AK9: variants seen among roughly 807,000 people sequenced by gnomAD.
AK9 encodes adenylate kinase domain containing 1.
Under a neutral mutation model 239.6 loss-of-function variants are expected in AK9, and 191 were observed. The ratio of observed to expected loss-of-function variants is 0.80; its 90% confidence interval spans 0.71 to 0.90. The LOEUF (loss-of-function observed/expected upper bound fraction) is 0.90. Among genes scored for constraint, AK9 ranks in the 40% least tolerant of loss-of-function variants. The pLI is 0.00. For synonymous variants in AK9, 689 were observed against 721.0 expected, an observed-to-expected ratio of 0.96 and a Z score of 0.71; for missense variants, 1,995 against 2,214.7, an observed-to-expected ratio of 0.90 and a Z score of 1.99.
intron 17 of AK9, among the ~76,000 whole-genome samples, chr6:109,608,971 C>G (rs1403435913): frequency 1.3e-5 from 2 of 152,166 alleles, no homozygotes; most frequent in African/African-American, 4.8e-5. Context: ...TTCTTCTAAT[C>G]ATAAAGATCA....
In AK9 at chr6:109,633,094, A is replaced by G; in HGVS notation, c.1083T>C (p.Gly361=). ...GLPDYSVSFL[G]KIYCLSSEEA... ...CTTCTGATGAAAGACAGTAGATTTTACCTAGAAAACTTAAAATATGCCATA... is the reference window on the plus strand; with the variant it reads ...CTTCTGATGAAAGACAGTAGATTTTGCCTAGAAAACTTAAAATATGCCATA... Residue 361 remains glycine (G), a synonymous_variant, in exon 12 of 41, where the codon GGT becomes GGC. Transcript: ENST00000424296. 6.5e-7 allele frequency: 1 copy of G among 1,545,264 alleles called. No individual in the cohort carries two copies. Among genetic ancestry groups the G allele is most frequent in the Non-Finnish European group, 8.7e-7 (1 of 1,154,088 alleles).
intron 10 of AK9, among the ~76,000 whole-genome samples, chr6:109,640,428 A>G (rs1797259084): frequency 6.6e-6 from 1 of 152,006 alleles, no homozygotes; most frequent in South Asian, 2.1e-4. Flanking sequence ...CTCACCCTCC[A>G]TGGGCTGCAC....
chr6:109,581,594 C>T (rs949292204), intron 19 of AK9, among the ~76,000 whole-genome samples: 2 of 152,052 alleles, frequency 1.3e-5, no homozygotes, highest in Non-Finnish European at 2.9e-5. Context: ...GGCAAGGAAC[C>T]TGGAGAAGAA....
intron 17 of AK9, among the ~76,000 whole-genome samples, chr6:109,602,635 G>T (rs973250870): frequency 6.6e-6 from 1 of 152,124 alleles, no homozygotes; most frequent in African/African-American, 2.4e-5. Context: ...TGCTAGGTTG[G>T]AGAAATTCTC....
At chr6:109,574,519 G>A (rs1041171146) in intron 20 of AK9, among the ~76,000 whole-genome samples, 1 of 152,092 alleles carries the variant, frequency 6.6e-6, no homozygotes, top group African/African-American at 2.4e-5. Flanking sequence ...CAAAGTCAAA[G>A]TATTGCTAAT....
In AK9 at chr6:109,542,070, C is replaced by T; in HGVS notation, c.3327G>A (p.Glu1109=). The change falls in exon 27 of 41, where the codon GAG becomes GAA. Residue 1109 remains glutamate, a synonymous_variant. Transcript: ENST00000424296. ...PPEILEVILS[E]WWLKEPIRST... is the part of the protein sequence containing the mutation. ...ACCGTATTGGTTCCTTAAGCCACCACTCAGAAAGAATTACTTCAAGAATTT... is the reference window on the plus strand; with the variant it reads ...ACCGTATTGGTTCCTTAAGCCACCATTCAGAAAGAATTACTTCAAGAATTT... 1.2e-6 allele frequency: 2 copies of T among 1,603,484 alleles called. No homozygotes were observed. The highest frequency in any genetic ancestry group is 1.7e-6 in the Non-Finnish European group (2 of 1,172,510).
At chr6:109,676,990 C>A (rs893977752) in intron 1 of AK9, among the ~76,000 whole-genome samples, 2 of 152,104 alleles carry the variant, frequency 1.3e-5, no homozygotes, top group Admixed American at 6.6e-5. Context: ...AATGCAAGAA[C>A]AGAAAAGCAA....
intron 33 of AK9, among the ~76,000 whole-genome samples, chr6:109,507,096 A>C (rs1008222624): frequency 1.3e-5 from 2 of 152,222 alleles, no homozygotes; most frequent in African/African-American, 4.8e-5. Flanking sequence ...AATTTGACAG[A>C]TAACTCCCAC....
chr6:109,514,692 T>C (rs1414066203), intron 31 of AK9, among the ~76,000 whole-genome samples: 3 of 152,352 alleles, frequency 2.0e-5, no homozygotes, highest in South Asian at 4.1e-4. Flanking sequence ...ACTTCATTTA[T>C]AGTGTGTTTA....
intron 20 of AK9, among the ~76,000 whole-genome samples, chr6:109,577,127 G>A (rs916445963): frequency 2.0e-5 from 3 of 152,120 alleles, no homozygotes; most frequent in Non-Finnish European, 4.4e-5. Context: ...ACTGTGCCCG[G>A]CCATAGATGG....
chr6:109,670,110 A>G (rs978187938), intron 5 of AK9, among the ~76,000 whole-genome samples: 2 of 152,208 alleles, frequency 1.3e-5, no homozygotes, highest in African/African-American at 2.4e-5. Flanking sequence ...AGAAGAAACA[A>G]TAAGATAGAA....
Position 109,631,002 on chromosome 6 carries a change from T to G in AK9, c.1254+1921A>C, listed in dbSNP as rs1562519564. On this transcript the variant is annotated intron_variant, in intron 12 of 40. Coordinates refer to ENST00000424296, the MANE Select transcript of AK9 (RefSeq NM_001145128.3). Reference sequence around the variant, plus strand: ...AACTGAATATCTATATGGGAAAAAGTAAAACTTACCCTGTCCTTCACATCA... The same window carrying G: ...AACTGAATATCTATATGGGAAAAAGGAAAACTTACCCTGTCCTTCACATCA... 2.6e-5 allele frequency among the ~76,000 whole-genome samples: 4 copies of G among 152,150 alleles called. No individual in the cohort carries two copies. In the South Asian group the frequency reaches 8.3e-4, roughly 32 times the overall value.
chr6:109,529,016 TC>T lies in AK9; in HGVS notation c.3627del (p.Arg1210GlyfsTer38), dbSNP rs1780893484. On this transcript the variant is annotated frameshift_variant, in exon 29 of 41. Coordinates refer to ENST00000424296, the MANE Select transcript of AK9 (RefSeq NM_001145128.3). LOFTEE classifies it high-confidence loss of function. ...AAAAAAACAAAACTACTTACCTCCCTCCTTTTTTTATCTCTCTCTAATATAA... is the reference window on the plus strand; with the variant it reads ...AAAAAAACAAAACTACTTACCTCCCTCTTTTTTTATCTCTCTCTAATATAA... ...AELILERDKK[R>X]RENVVRDDEE... The T allele has an allele frequency of 6.2e-7, 1 of 1,602,044 alleles. No homozygotes were observed. The highest frequency in any genetic ancestry group is 8.5e-7 in the Non-Finnish European group (1 of 1,175,764).
At position 109,612,041 on chromosome 6, in the gene AK9, A is replaced by G; in HGVS notation, c.1662T>C (p.Ala554=). The G allele has an allele frequency of 6.5e-7, 1 of 1,538,762 alleles. No homozygotes were observed. Among genetic ancestry groups the G allele is most frequent in the Non-Finnish European group, 8.8e-7 (1 of 1,140,740 alleles). Residue 554 remains alanine (A), a synonymous_variant, in exon 16 of 41, where the codon GCT becomes GCC. Transcript: ENST00000424296. ...CTGAATACAACTTTACATCTTGACT[A>G]GCATCTTGAGAATGCCTTTTAAATG... ...TFTFKRHSQD[A]SQDVKLYSDT... is the part of the protein sequence containing the mutation.
chr6:109,637,502 T>A (rs1161681968), intron 10 of AK9, among the ~76,000 whole-genome samples: 1 of 152,172 alleles, frequency 6.6e-6, no homozygotes, highest in Admixed American at 6.5e-5. Context: ...CATGCCCGGC[T>A]TCTACTGATA....
intron 8 of AK9, among the ~76,000 whole-genome samples, chr6:109,655,107 A>G (rs937270241): frequency 6.6e-6 from 1 of 152,144 alleles, no homozygotes; most frequent in Admixed American, 6.6e-5. Flanking sequence ...CAGGGCCTAG[A>G]AGTTTTCTAC....
chr6:109,518,230 C>T lies in AK9; in HGVS notation c.3634-1588G>A, dbSNP rs566101123. On this transcript the variant is annotated intron_variant, in intron 29 of 40. Coordinates refer to ENST00000424296, the MANE Select transcript of AK9 (RefSeq NM_001145128.3). ...CATTCCTGCTCCTGCCCAAGCTCCCCTTTCTCCAAAAGGAGCTTGGCTATG... is the reference window on the plus strand; with the variant it reads ...CATTCCTGCTCCTGCCCAAGCTCCCTTTTCTCCAAAAGGAGCTTGGCTATG... Among the ~76,000 whole-genome samples the T allele has an allele frequency of 7.9e-5, 12 of 152,256 alleles. No homozygotes were observed. In the South Asian group the frequency reaches 2.5e-3, roughly 32 times the overall value.
At chr6:109,526,922 C>T (rs1341759327) in intron 29 of AK9, among the ~76,000 whole-genome samples, 1 of 152,182 alleles carries the variant, frequency 6.6e-6, no homozygotes, top group East Asian at 1.9e-4. Context: ...GGTCCAGACC[C>T]TTGTTTCAAC....
chr6:109,585,053 A>T (rs1789318067), intron 19 of AK9, 70 bp downstream of exon 19: 1 of 868,992 alleles, frequency 1.2e-6, no homozygotes, highest in Non-Finnish European at 1.4e-6. Context: ...CTATAAGTAT[A>T]ATTGCAAGAA....
Sources: gnomAD v4.1 joint callset for allele counts (sites outside exome capture counted in the v4.1 genomes callset) on GRCh38, gnomAD v4.1.1 for gene constraint, MANE v1.5 for transcripts, NCBI Gene and HGNC (gene_info 2026-07-23, HGNC 2026-07-21) for gene names.